Variants in GPR20 observed in about 807,000 individuals in gnomAD.
GPR20 encodes CTD-3064M3.3.
For synonymous variants in GPR20, 241 were observed against 241.9 expected (o/e 1.00, Z 0.04); for missense variants, 494 against 527.4 (o/e 0.94, Z 0.62).
At position 141,357,605 on chromosome 8, in the gene GPR20, G is replaced by A. The variant is rs1328437083; in HGVS notation, c.319C>T (p.Pro107Ser). Residue 107 changes from proline to serine, a missense_variant, in exon 2 of 2, where the codon CCC becomes TCC. Pro to Ser is a moderately conservative substitution (Grantham distance 74, BLOSUM62 -1). Coordinates refer to ENST00000377741, the MANE Select transcript of GPR20 (RefSeq NM_005293.3). ...CCGTAGTACACAGCGAAGCGCGTGG[G>A]CAGGGACAGCCCTACCAGTAGATCG... The part of the protein sequence containing the change: ...VTDLLVGLSL[P>S]TRFAVYYGAR... 1 of 1,613,990 alleles carries A rather than the reference G, an allele frequency of 6.2e-7. No homozygotes were observed.
chr8:141,357,092 C>A lies in GPR20; in HGVS notation c.832G>T (p.Val278Phe), dbSNP rs1311139522. ...CTGAGGGTCACGGCCACGTGGTAGA[C>A]CACGAGGCTCGTGTGGTGTGGCATG... The part of the protein sequence containing the change: ...PDMPHHTSLV[V>F]YHVAVTLSSL... The change falls in exon 2 of 2, where the codon GTC becomes TTC. Residue 278 changes from valine to phenylalanine, a missense_variant. By Grantham distance (50) the Val-to-Phe change is conservative (BLOSUM62 -1). Transcript: ENST00000377741. The A allele has an allele frequency of 1.2e-6, 2 of 1,612,502 alleles. No individual in the cohort carries two copies. The highest frequency in any genetic ancestry group is 1.7e-6 in the Non-Finnish European group (2 of 1,179,908).
chr8:141,356,885 C>A lies in GPR20; in HGVS notation c.1039G>T (p.Ala347Ser). 6.2e-7 allele frequency: 1 copy of A among 1,608,134 alleles called. No individual in the cohort carries two copies. Among genetic ancestry groups the A allele is most frequent in the Non-Finnish European group, 8.5e-7 (1 of 1,176,800 alleles). Residue 347 changes from alanine to serine, a missense_variant, in exon 2 of 2, where the codon GCC (alanine) becomes TCC (serine). Transcript: ENST00000377741. The stretch of plus-strand genomic sequence containing the variant: ...CCATTAGCCAGGGCCTGGGTGAGGG[C>A]GTGAGGGCCGGCACTGAGGATGTGA... The part of the protein sequence containing the change: ...RHHILSAGPH[A>S]LTQALANGPE...
rs1831657484 is a variant in GPR20 at position 141,357,209 on chromosome 8, C to T, written c.715G>A (p.Ala239Thr). ...LHQGRQRRVR[A>T]MQLLLTVLII... Reference sequence around the variant, plus strand: ...AGCACCGTGAGCAGGAGCTGCATGGCCCGCACGCGGCGCTGGCGACCCTGG... The same window carrying T: ...AGCACCGTGAGCAGGAGCTGCATGGTCCGCACGCGGCGCTGGCGACCCTGG... Residue 239 changes from alanine (A) to threonine (T), a missense_variant, in exon 2 of 2, where the codon GCC becomes ACC. Ala to Thr is a moderately conservative substitution (Grantham distance 58, BLOSUM62 0). Transcript: ENST00000377741. The T allele has an allele frequency of 6.4e-7, 1 of 1,573,408 alleles. No individual in the cohort carries two copies. Among genetic ancestry groups the T allele is most frequent in the African/African-American group, 1.3e-5 (1 of 74,324 alleles).
At position 141,357,542 on chromosome 8, in the gene GPR20, G is replaced by A. The variant is rs370930319; in HGVS notation, c.382C>T (p.Leu128Phe). ...CAGTGCATGTTGAGGAAGTAACCGA[G>A]GACGTGCGGGAAGGCACAGCGCAGG... ...GCLRCAFPHV[L>F]GYFLNMHCSI... The change falls in exon 2 of 2, where the codon CTC (leucine) becomes TTC (phenylalanine). Residue 128 changes from leucine to phenylalanine, a missense_variant. By Grantham distance (22) the Leu-to-Phe change is conservative (BLOSUM62 0). Transcript: ENST00000377741. 6.2e-7 allele frequency: 1 copy of A among 1,613,720 alleles called. No homozygotes were observed. The highest frequency in any genetic ancestry group is 1.3e-5 in the African/African-American group (1 of 74,952).
Position 141,357,277 on chromosome 8 carries a change from G to T in GPR20, c.647C>A (p.Thr216Asn). The T allele has an allele frequency of 6.5e-7, 1 of 1,542,698 alleles. No individual in the cohort carries two copies. Among genetic ancestry groups the T allele is most frequent in the Non-Finnish European group, 8.7e-7 (1 of 1,148,704 alleles). The stretch of plus-strand genomic sequence containing the variant: ...CGACAGTGCACACATGATGCGGCCG[G>T]TAAACACGCTGATGACCAGCAGGGG... ...LLPLLVISVF[T>N]GRIMCALSRP... is the part of the protein sequence containing the mutation. The change falls in exon 2 of 2, where the codon ACC becomes AAC. Residue 216 changes from threonine to asparagine, a missense_variant. By Grantham distance (65) the Thr-to-Asn change is moderately conservative. Coordinates refer to ENST00000377741, the MANE Select transcript of GPR20 (RefSeq NM_005293.3).
chr8:141,357,429 G>A lies in GPR20; in HGVS notation c.495C>T (p.Ala165=), dbSNP rs752888236. 14 of 1,605,590 alleles carry A rather than the reference G, an allele frequency of 8.7e-6. No individual in the cohort carries two copies. Among genetic ancestry groups the A allele is most frequent in the Admixed American group, 1.7e-5 (1 of 59,080 alleles). ...CGAAGGCGCACACGGCCCTGGCACA[G>A]GCAGGCTGGCGGCAGCGGCGGGAGC... ...PEGSRRCRQP[A]CARAVCAFVW... The change falls in exon 2 of 2, where the codon GCC becomes GCT. Residue 165 remains alanine (A), a synonymous_variant. Coordinates refer to ENST00000377741, the MANE Select transcript of GPR20 (RefSeq NM_005293.3).
At chr8:141,359,804 C>G (rs1831707394) in intron 1 of GPR20, among the ~76,000 whole-genome samples, 1 of 152,158 alleles carries the variant, frequency 6.6e-6, no homozygotes. Context: ...GAGATGCGTC[C>G]CTCCCCTGCT....
chr8:141,358,882 C>T (rs907535455), intron 1 of GPR20, among the ~76,000 whole-genome samples: 2 of 152,078 alleles, frequency 1.3e-5, no homozygotes, highest in Admixed American at 6.5e-5. Flanking sequence ...AAACACCGAG[C>T]TCCCGTCTGG....
At chr8:141,366,698 A>T (rs574081780) in intron 1 of GPR20, among the ~76,000 whole-genome samples, 1 of 152,262 alleles carries the variant, frequency 6.6e-6, no homozygotes, top group African/African-American at 2.4e-5. Flanking sequence ...ATGCCCACAA[A>T]GCCCTCACCA....
intron 1 of GPR20, among the ~76,000 whole-genome samples, chr8:141,358,261 C>T (rs934841583): frequency 1.9e-4 from 29 of 152,340 alleles, no homozygotes; most frequent in African/African-American, 6.0e-4. Context: ...GGCGGAAACA[C>T]GTGCGGTGCA....
At chr8:141,362,230 TC>T (rs1302146280) in intron 1 of GPR20, among the ~76,000 whole-genome samples, 2 of 152,186 alleles carry the variant, frequency 1.3e-5, no homozygotes. Flanking sequence ...TTTTAGGACT[TC>T]CCCCTGGACT....
chr8:141,361,855 A>AC (rs1378815256), intron 1 of GPR20, among the ~76,000 whole-genome samples: 1 of 151,240 alleles, frequency 6.6e-6, no homozygotes, highest in African/African-American at 2.4e-5. Context: ...GGGTGGGCAG[A>AC]CCCCCAGAGC....
intron 1 of GPR20, among the ~76,000 whole-genome samples, chr8:141,358,779 C>T (rs1019413092): frequency 6.6e-5 from 10 of 152,356 alleles, no homozygotes; most frequent in Non-Finnish European, 1.2e-4. Context: ...GGCGGGCACC[C>T]CTATGATCCC....
At chr8:141,359,942 C>T (rs1438019350) in intron 1 of GPR20, among the ~76,000 whole-genome samples, 1 of 152,196 alleles carries the variant, frequency 6.6e-6, no homozygotes, top group Non-Finnish European at 1.5e-5. Context: ...CTGCACGGGG[C>T]CTATATTAGT....
intron 1 of GPR20, among the ~76,000 whole-genome samples, chr8:141,365,231 C>G (rs1053388269): frequency 6.6e-6 from 1 of 152,192 alleles, no homozygotes; most frequent in East Asian, 1.9e-4. Context: ...CTGAAGGGCA[C>G]CCGCTGGGCT....
chr8:141,361,292 TGA>T, intron 1 of GPR20, among the ~76,000 whole-genome samples: 1 of 152,316 alleles, frequency 6.6e-6, no homozygotes, highest in Non-Finnish European at 1.5e-5. Flanking sequence ...TCTCCAGGGC[TGA>T]GAGTCAGTGA....
chr8:141,356,975 C>G lies in GPR20; in HGVS notation c.949G>C (p.Glu317Gln), dbSNP rs770172560. 1.1e-5 allele frequency: 17 copies of G among 1,613,066 alleles called. No individual in the cohort carries two copies. Among genetic ancestry groups the G allele is most frequent in the Non-Finnish European group, 8.5e-7 (1 of 1,179,996 alleles). ...TVRGLFGQHG[E>Q]REPSSGDVVS... ...ACGTCACCGCTGCTGGGCTCACGCT[C>G]TCCGTGCTGGCCGAAGAGGCCTCGG... Residue 317 changes from glutamate to glutamine, a missense_variant, in exon 2 of 2, where the codon GAG becomes CAG. Coordinates refer to ENST00000377741, the MANE Select transcript of GPR20 (RefSeq NM_005293.3).
intron 1 of GPR20, among the ~76,000 whole-genome samples, chr8:141,365,146 G>A (rs1162153005): frequency 1.3e-5 from 2 of 152,188 alleles, no homozygotes; most frequent in African/African-American, 4.8e-5. Flanking sequence ...GTTCCACAGA[G>A]CTCTCCCTGA....
chr8:141,357,013 A>G lies in GPR20; in HGVS notation c.911T>C (p.Phe304Ser), dbSNP rs1254981693. The change falls in exon 2 of 2, where the codon TTC becomes TCC. Residue 304 changes from phenylalanine (F) to serine (S), a missense_variant. By Grantham distance (155) the Phe-to-Ser change is radical. Transcript: ENST00000377741. ...GAAGAGGCCTCGGACGGTGGCCTGG[A>G]AGCCACTGGTGACGAAGCAGTAGAC... ...PIVYCFVTSGFQATVRGLFGQ... is the reference protein window; with the variant it reads ...PIVYCFVTSGSQATVRGLFGQ... 1.2e-6 allele frequency: 2 copies of G among 1,613,160 alleles called. No homozygotes were observed. The highest frequency in any genetic ancestry group is 8.5e-7 in the Non-Finnish European group (1 of 1,179,876).
Sources: gnomAD v4.1 joint callset for allele counts (sites outside exome capture counted in the v4.1 genomes callset) on GRCh38, gnomAD v4.1.1 for gene constraint, MANE v1.5 for transcripts, NCBI Gene and HGNC (gene_info 2026-07-23, HGNC 2026-07-21) for gene names.